The following PDE1C variants were observed in gnomAD, a reference collection of about 807,000 sequenced individuals.
The protein encoded by PDE1C is phosphodiesterase 1C.
PDE1C carries 62 observed loss-of-function variants against 93.1 expected under a neutral mutation model. The ratio of observed to expected loss-of-function variants is 0.67; its 90% CI spans 0.54 to 0.82. PDE1C has a LOEUF of 0.82. Ranked by LOEUF, PDE1C falls within the 40% of genes least tolerant of loss-of-function variation. PDE1C has a pLI of 0.00. For missense variants in PDE1C, 742 were observed against 884.6 expected, an observed-to-expected ratio of 0.84 and a Z score of 2.04; for synonymous variants, 325 against 310.1, an observed-to-expected ratio of 1.05 and a Z score of -0.50.
intron 1 of PDE1C, among the ~76,000 whole-genome samples, chr7:32,395,448 G>A (rs1355827674): frequency 6.6e-6 from 1 of 152,158 alleles, no homozygotes; most frequent in Non-Finnish European, 1.5e-5. Context: ...ATATGGGTGA[G>A]GAAATAATGT....
intron 2 of PDE1C, among the ~76,000 whole-genome samples, chr7:32,200,189 G>T (rs975914764): frequency 6.6e-6 from 1 of 152,156 alleles, no homozygotes; most frequent in African/African-American, 2.4e-5. Flanking sequence ...CATCATGGAG[G>T]ACTGCTGCCT....
chr7:32,307,460 A>C (rs560454307), intron 1 of PDE1C, among the ~76,000 whole-genome samples: 29 of 152,322 alleles, frequency 1.9e-4, no homozygotes, highest in African/African-American at 6.3e-4. Context: ...ATATGGCCCC[A>C]CTAAACTGCA....
chr7:31,787,222 T>C (rs1213068180), intron 16 of PDE1C: 1 of 152,226 alleles, frequency 6.6e-6, no homozygotes, highest in Non-Finnish European at 1.5e-5. Flanking sequence ...AGGTTATTCT[T>C]TGGCTTTCAG....
the PDE1C span, among the ~76,000 whole-genome samples, chr7:31,693,930 C>T: frequency 2.6e-5 from 4 of 152,154 alleles, no homozygotes; most frequent in African/African-American, 4.8e-5. Context: ...CAAACTATAT[C>T]CAGGCCATAC....
At chr7:32,263,150 G>A (rs78445547) in intron 1 of PDE1C, among the ~76,000 whole-genome samples, 2,435 of 152,266 alleles carry the variant, frequency 0.016, 72 homozygotes, top group African/African-American at 0.055. Flanking sequence ...TCTGGGAGCA[G>A]GAAAGGTAGA....
At chr7:31,623,859 T>A in the PDE1C span, among the ~76,000 whole-genome samples, 3 of 152,140 alleles carry the variant, frequency 2.0e-5, no homozygotes, top group Non-Finnish European at 4.4e-5. Flanking sequence ...TATGATTTTA[T>A]ATGTAGAAAA....
chr7:32,169,808 T>C, exon 3 of PDE1C: 1 of 1,612,650 alleles, frequency 6.2e-7, no homozygotes, highest in Non-Finnish European at 8.5e-7. Context: ...TCACCAAGAC[T>C]TCTGGGCTAT....
intron 2 of PDE1C, among the ~76,000 whole-genome samples, chr7:31,892,209 AG>A (rs1460197742): frequency 1.3e-5 from 2 of 152,146 alleles, no homozygotes; most frequent in Non-Finnish European, 2.9e-5. Flanking sequence ...TAAGAGAGTT[AG>A]GGGTAAATGT....
downstream of PDE1C, among the ~76,000 whole-genome samples, chr7:31,746,970 G>T (rs1794020424): frequency 6.6e-6 from 1 of 152,162 alleles, no homozygotes. Flanking sequence ...CTCCTAGAAA[G>T]GTAGGTAGGT....
At chr7:32,418,753 C>T (rs535854906) in intron 1 of PDE1C, among the ~76,000 whole-genome samples, 1 of 152,220 alleles carries the variant, frequency 6.6e-6, no homozygotes, top group Non-Finnish European at 1.5e-5. Flanking sequence ...AACAAACAAA[C>T]AAACAAAAAA....
chr7:32,299,529 T>C (rs1562662044), upstream of PDE1C: 3 of 634,262 alleles, frequency 4.7e-6, no homozygotes, highest in African/African-American at 2.0e-5. Flanking sequence ...CCTTTCGAAT[T>C]TGGGTTTGCC....
intron 2 of PDE1C, among the ~76,000 whole-genome samples, chr7:31,970,001 G>A (rs1810695049): frequency 6.6e-6 from 1 of 152,118 alleles, no homozygotes. Context: ...GTGGGGTTGG[G>A]GGAGTGGGGA....
chr7:32,416,970 G>A (rs116533099), intron 1 of PDE1C, among the ~76,000 whole-genome samples: 1,568 of 152,190 alleles, frequency 0.01, 26 homozygotes, highest in African/African-American at 0.036. Context: ...CGCCACATAT[G>A]GGAGCTAGCC....
At chr7:32,295,620 A>C (rs900542795) in intron 1 of PDE1C, among the ~76,000 whole-genome samples, 1 of 152,198 alleles carries the variant, frequency 6.6e-6, no homozygotes, top group Non-Finnish European at 1.5e-5. Context: ...GGTCAGGCGC[A>C]GTGGCTCACG....
chr7:31,767,659 G>A (rs1795227297), intron 17 of PDE1C, among the ~76,000 whole-genome samples: 1 of 152,194 alleles, frequency 6.6e-6, no homozygotes. Context: ...AGCTTGGGCT[G>A]CTATAACAAA....
intron 1 of PDE1C, among the ~76,000 whole-genome samples, chr7:32,414,181 C>T (rs1412314475): frequency 6.6e-6 from 1 of 150,726 alleles, no homozygotes; most frequent in Non-Finnish European, 1.5e-5. Context: ...CCACTGCACT[C>T]CAGCCTGGGC....
chr7:32,389,897 C>T (rs1784719358), intron 1 of PDE1C, among the ~76,000 whole-genome samples: 1 of 152,114 alleles, frequency 6.6e-6, no homozygotes, highest in Admixed American at 6.5e-5. Flanking sequence ...ATCAGGATTC[C>T]CATTCAATTC....
At chr7:31,899,732 A>G (rs779407127) in intron 2 of PDE1C, among the ~76,000 whole-genome samples, 2 of 152,198 alleles carry the variant, frequency 1.3e-5, no homozygotes, top group Non-Finnish European at 2.9e-5. Flanking sequence ...GAGCAGGCCT[A>G]TGTAAATAGC....
chr7:32,330,821 G>C (rs1783498394), intron 1 of PDE1C, among the ~76,000 whole-genome samples: 1 of 152,210 alleles, frequency 6.6e-6, no homozygotes, highest in Admixed American at 6.5e-5. Context: ...CTATGGGTGG[G>C]ACAGAAGTTA....
Sources: gnomAD v4.1 joint callset for allele counts (sites outside exome capture counted in the v4.1 genomes callset) on GRCh38, gnomAD v4.1.1 for gene constraint, MANE v1.5 for transcripts, NCBI Gene and HGNC (gene_info 2026-07-23, HGNC 2026-07-21) for gene names.